SYNJ2: variants seen among roughly 807,000 people sequenced by gnomAD.
SYNJ2 encodes synaptojanin 2, also known as polyphosphatidylinositol phosphatase SYNJ2.
SYNJ2 carries 116 observed loss-of-function variants against 141.3 expected under a neutral mutation model. That is an observed-to-expected ratio of 0.82 (90% confidence interval 0.71 to 0.96). The LOEUF is 0.96. Among genes scored for constraint, SYNJ2 ranks in the 40% least tolerant of loss-of-function variants. The pLI is 0.00. For synonymous variants in SYNJ2, 745 were observed against 777.7 expected, an observed-to-expected ratio of 0.96 and a Z score of 0.70; for missense variants, 1,873 against 1,934.8, an observed-to-expected ratio of 0.97 and a Z score of 0.60.
chr6:158,063,574 G>A (rs755428669), intron 8 of SYNJ2, among the ~76,000 whole-genome samples: 6 of 146,466 alleles, frequency 4.1e-5, no homozygotes, highest in African/African-American at 7.6e-5. Flanking sequence ...CAGGAGAATC[G>A]CTTGAACCTG....
chr6:158,059,327 G>C lies in SYNJ2; in HGVS notation c.928G>C (p.Glu310Gln), dbSNP rs1430461044. The change falls in exon 7 of 27, where the codon GAG becomes CAG. Residue 310 changes from glutamate to glutamine, a missense_variant. By Grantham distance (29) the Glu-to-Gln change is conservative. Coordinates refer to ENST00000355585, the MANE Select transcript of SYNJ2 (RefSeq NM_003898.4). ...VVNLLGSRGG[E>Q]EVLNRAFKKL... ...GAACCTTCTGGGAAGCAGAGGCGGA[G>C]AGGAGGTGCTCAACAGAGCCTTCAA... is the stretch of plus-strand genomic sequence containing the variant. 6.4e-7 allele frequency: 1 copy of C among 1,550,790 alleles called. No individual in the cohort carries two copies. Among genetic ancestry groups the C allele is most frequent in the Non-Finnish European group, 8.7e-7 (1 of 1,146,890 alleles).
At chr6:158,024,888 G>T (rs530514847) in intron 2 of SYNJ2, among the ~76,000 whole-genome samples, 2 of 150,132 alleles carry the variant, frequency 1.3e-5, no homozygotes, top group East Asian at 2.0e-4. Context: ...CTGACAAGAG[G>T]CTCCCAGAGT....
chr6:157,998,965 A>ATATATATGG (rs1777734851), intron 1 of SYNJ2, among the ~76,000 whole-genome samples: 1 of 152,222 alleles, frequency 6.6e-6, no homozygotes, highest in Non-Finnish European at 1.5e-5. Flanking sequence ...ACTCCAATAT[A>ATATATATGG]TCAAAAGACA....
At chr6:158,053,740 CCCAGCCATCCACCCAT>C (rs1342354131) in intron 5 of SYNJ2, among the ~76,000 whole-genome samples, 2 of 150,736 alleles carry the variant, frequency 1.3e-5, no homozygotes, top group African/African-American at 2.4e-5. Flanking sequence ...CATCAATCCA[CCCAGCCATCCACCCAT>C]CCATGCACCC....
At chr6:157,989,402 A>C (rs1777324259) in intron 1 of SYNJ2, among the ~76,000 whole-genome samples, 2 of 143,948 alleles carry the variant, frequency 1.4e-5, no homozygotes, top group Non-Finnish European at 3.0e-5. Context: ...TGTTCAGTAA[A>C]ATCTCATTCT....
chr6:158,086,443 C>T (rs1783041149), intron 22 of SYNJ2, among the ~76,000 whole-genome samples: 1 of 152,156 alleles, frequency 6.6e-6, no homozygotes, highest in East Asian at 1.9e-4. Flanking sequence ...GCTCTGCTGC[C>T]AGAGCAGGGA....
rs1430728981 is a variant in SYNJ2 at position 158,084,028 on chromosome 6, A to G, written c.3062A>G (p.Tyr1021Cys). The part of the protein sequence containing the change: ...EGDILEDDED[Y>C]LVDEFNQPGV... ...GATATTCTTGAAGACGATGAAGACT[A>G]CTTGGTGGATGAATTCAATCAGCCT... is the stretch of plus-strand genomic sequence containing the variant. Residue 1021 changes from tyrosine to cysteine, a missense_variant, in exon 22 of 27, where the codon TAC becomes TGC. Coordinates refer to ENST00000355585, the MANE Select transcript of SYNJ2 (RefSeq NM_003898.4). This position sits in a 1 kb window ranked among gnomAD's most constrained non-coding sequence, Gnocchi z 5.0. 1 of 1,614,034 alleles carries G rather than the reference A, an allele frequency of 6.2e-7. No homozygotes were observed. The highest frequency in any genetic ancestry group is 1.7e-5 in the Admixed American group (1 of 60,012).
rs148729623 is a variant in SYNJ2, at chr6:158,046,864, G to A, written c.795+3465G>A. 2.8e-3 allele frequency among the ~76,000 whole-genome samples: 432 copies of A among 152,052 alleles called. 1 individual carries two copies. The highest frequency in any genetic ancestry group is 4.9e-3 in the Non-Finnish European group (335 of 68,012). ...ATGATCTGTGTCTGTGGTTGACAAC[G>A]TTGCTCCCCTGGTCATTGTAGAAGC... On this transcript the variant is annotated intron_variant, in intron 5 of 26. Transcript: ENST00000355585.
intron 4 of SYNJ2, among the ~76,000 whole-genome samples, chr6:158,035,411 T>G (rs1293267830): frequency 2.0e-5 from 3 of 152,226 alleles, no homozygotes; most frequent in African/African-American, 7.2e-5. Flanking sequence ...TAAACTGTAT[T>G]GCTAGGTATT....
At chr6:158,067,728 C>A (rs192660834) in intron 12 of SYNJ2, 1 of 985,114 alleles carries the variant, frequency 1.0e-6, no homozygotes. Flanking sequence ...CCTGTGCACA[C>A]GCCATCTGTG....
intron 1 of SYNJ2, among the ~76,000 whole-genome samples, chr6:157,987,234 G>C (rs543498635): frequency 1.3e-5 from 2 of 152,068 alleles, no homozygotes; most frequent in South Asian, 2.1e-4. Flanking sequence ...TGATCCACCC[G>C]CTTCGGCCTC....
chr6:158,093,443 A>AC (rs1783595593), intron 26 of SYNJ2, among the ~76,000 whole-genome samples: 2 of 102,650 alleles, frequency 1.9e-5, no homozygotes. Flanking sequence ...CTCAAAAAAA[A>AC]AAAAAACAAA....
chr6:158,072,989 C>T (rs1478574680), intron 15 of SYNJ2, among the ~76,000 whole-genome samples: 1 of 150,390 alleles, frequency 6.6e-6, no homozygotes, highest in African/African-American at 2.4e-5. Context: ...AGGAGAATCG[C>T]AACCCAGGAG....
At chr6:158,010,929 T>C (rs1378407945) in intron 1 of SYNJ2, among the ~76,000 whole-genome samples, 1 of 131,200 alleles carries the variant, frequency 7.6e-6, no homozygotes, top group Non-Finnish European at 1.6e-5. Context: ...AGGGGACACA[T>C]GGGGAGAGGA....
At position 158,097,905 on chromosome 6, in the gene SYNJ2, C is replaced by T. The variant is rs1489777799; in HGVS notation, c.*1541C>T. 1 of 151,116 alleles carries T rather than the reference C, an allele frequency of 6.6e-6. No individual in the cohort carries two copies. The highest frequency in any genetic ancestry group is 1.9e-4 in the East Asian group (1 of 5,180). The allele number at this position is 151,116 out of a possible 1,614,324, so 9.4% of individuals were successfully genotyped here. On this transcript the variant is annotated 3_prime_UTR_variant, in exon 27 of 27. Transcript: ENST00000355585. ...CAGATAAGATGCATAGTTGACCAGT[C>T]ATAAAAGGCGGTGTTTAGGTGATCA...
chr6:158,032,118 A>G (rs576879178), intron 3 of SYNJ2, among the ~76,000 whole-genome samples: 1 of 152,036 alleles, frequency 6.6e-6, no homozygotes, highest in Admixed American at 6.5e-5. Flanking sequence ...ATGGGGTCAG[A>G]CGCGGGCTGT....
intron 5 of SYNJ2, among the ~76,000 whole-genome samples, chr6:158,049,075 CT>C (rs1291566142): frequency 6.6e-6 from 1 of 152,066 alleles, no homozygotes; most frequent in African/African-American, 2.4e-5. Context: ...ATCCTTGGGC[CT>C]CTTGAGTGCT....
rs899018229 is a variant in SYNJ2 at position 158,099,039 on chromosome 6, A to G, written c.*2675A>G. The G allele has an allele frequency of 2.6e-5, 4 of 152,208 alleles. No homozygotes were observed. The highest frequency in any genetic ancestry group is 5.9e-5 in the Non-Finnish European group (4 of 68,038). The allele number at this position is 152,208 out of a possible 1,614,324, so 9.4% of individuals were successfully genotyped here. ...GTATCAAAGCGTTCACTTTATAATGAAGTCATTTCATTGGGAAGGAAAGCT... is the reference window on the plus strand; with the variant it reads ...GTATCAAAGCGTTCACTTTATAATGGAGTCATTTCATTGGGAAGGAAAGCT... On this transcript the variant is annotated 3_prime_UTR_variant, in exon 27 of 27. Coordinates refer to ENST00000355585, the MANE Select transcript of SYNJ2 (RefSeq NM_003898.4).
Position 158,027,279 on chromosome 6 carries a change from T to G in SYNJ2, c.215-1477T>G. On this transcript the variant is annotated intron_variant, in intron 2 of 26. Transcript: ENST00000355585. This position sits in a 1 kb window ranked among gnomAD's most constrained non-coding sequence, Gnocchi z 4.6. ...CATGGCTGTAGACAGCGGCCCTTGA[T>G]CATTCACAGAAGATCTCGCTGGGCG... 1 of 872,956 alleles carries G rather than the reference T, an allele frequency of 1.1e-6. No homozygotes were observed. Among genetic ancestry groups the G allele is most frequent in the African/African-American group, 1.8e-5 (1 of 54,960 alleles). The allele number at this position is 872,956 out of a possible 1,614,324, so 54.1% of individuals were successfully genotyped here. A position where few individuals can be genotyped will look rare whatever the true frequency, so the allele number is the denominator to read the frequency against.
Sources: allele counts gnomAD v4.1 joint callset (sites outside exome capture counted in the v4.1 genomes callset), GRCh38; gene constraint gnomAD v4.1.1; non-coding constraint Gnocchi (gnomAD v3.1); transcripts MANE v1.5; gene names NCBI Gene and HGNC (gene_info 2026-07-23, HGNC 2026-07-21).